The following HMBOX1 variants were observed in gnomAD, a reference collection of about 807,000 sequenced individuals.
HMBOX1 encodes homeobox containing 1.
In HMBOX1, 14 loss-of-function variants were observed where a neutral mutation model predicts 54.5. That is an observed-to-expected ratio of 0.26 (90% CI 0.17 to 0.40). The LOEUF (loss-of-function observed/expected upper bound fraction) is 0.40, where lower values mean the gene tolerates loss of function less well. Among genes scored for constraint, HMBOX1 ranks in the 10% least tolerant of loss-of-function variants. The pLI is 1.00. For missense variants in HMBOX1, 332 were observed against 514.4 expected, an observed-to-expected ratio of 0.65 and a Z score of 3.43; for synonymous variants, 160 against 181.0, an observed-to-expected ratio of 0.88 and a Z score of 0.93.
intron 1 of HMBOX1, among the ~76,000 whole-genome samples, chr8:28,935,941 A>G (rs962067802): frequency 1.4e-4 from 22 of 151,998 alleles, no homozygotes; most frequent in African/African-American, 5.3e-4. Flanking sequence ...CTTTTTTTGT[A>G]AAATGGTAAT....
intron 5 of HMBOX1, among the ~76,000 whole-genome samples, chr8:29,017,668 G>T (rs1835229690): frequency 6.6e-6 from 1 of 152,162 alleles, no homozygotes; most frequent in Admixed American, 6.5e-5. Flanking sequence ...GGGAAAGACT[G>T]CAGGACAATA....
At chr8:28,954,832 A>AC (rs1824120277) in intron 1 of HMBOX1, among the ~76,000 whole-genome samples, 1 of 152,148 alleles carries the variant, frequency 6.6e-6, no homozygotes, top group South Asian at 2.1e-4. Flanking sequence ...GGGGTGGGAG[A>AC]CCAGCTTACC....
intron 1 of HMBOX1, among the ~76,000 whole-genome samples, chr8:28,900,273 T>TAC (rs1812998485): frequency 9.2e-6 from 1 of 108,886 alleles, no homozygotes. Flanking sequence ...AAAAAAAAAA[T>TAC]ATATATATAT....
chr8:29,015,814 A>G (rs976890712), intron 5 of HMBOX1, among the ~76,000 whole-genome samples: 6 of 152,350 alleles, frequency 3.9e-5, no homozygotes, highest in Middle Eastern at 3.4e-3. Flanking sequence ...TATGATCTCT[A>G]TCATAGCTAC....
chr8:28,979,154 G>C (rs1242791951), intron 3 of HMBOX1, among the ~76,000 whole-genome samples: 1 of 152,176 alleles, frequency 6.6e-6, no homozygotes, highest in Non-Finnish European at 1.5e-5. Context: ...TTTTGAGCTT[G>C]AACAGAAACC....
chr8:29,041,448 T>A (rs1804805314), intron 6 of HMBOX1, among the ~76,000 whole-genome samples: 1 of 152,164 alleles, frequency 6.6e-6, no homozygotes, highest in Admixed American at 6.5e-5. Context: ...TCGTCAACAC[T>A]ATCATTAGTG....
chr8:28,893,950 G>A (rs1018092009), intron 1 of HMBOX1, among the ~76,000 whole-genome samples: 3 of 152,060 alleles, frequency 2.0e-5, no homozygotes. Context: ...TATTTCTCTT[G>A]GGAATCAGGT....
intron 3 of HMBOX1, among the ~76,000 whole-genome samples, chr8:28,973,258 C>G (rs975580946): frequency 6.6e-6 from 1 of 152,182 alleles, no homozygotes; most frequent in African/African-American, 2.4e-5. Context: ...AAATTAAATA[C>G]TTTGCCCAAG....
chr8:29,008,375 G>T (rs1245957779), intron 4 of HMBOX1, among the ~76,000 whole-genome samples: 1 of 152,148 alleles, frequency 6.6e-6, no homozygotes, highest in Non-Finnish European at 1.5e-5. Flanking sequence ...CTTGGAGATA[G>T]CAGAAAACTA....
intron 4 of HMBOX1, among the ~76,000 whole-genome samples, chr8:28,987,992 A>C (rs1409902950): frequency 2.0e-5 from 3 of 152,194 alleles, no homozygotes; most frequent in Non-Finnish European, 4.4e-5. Context: ...AGTTGTACCA[A>C]ACTTATACAG....
At chr8:28,922,098 A>G (rs1311138100) in intron 1 of HMBOX1, among the ~76,000 whole-genome samples, 3 of 152,212 alleles carry the variant, frequency 2.0e-5, no homozygotes, top group African/African-American at 7.2e-5. Context: ...CCATGGATTT[A>G]TGCAGCTATG....
intron 6 of HMBOX1, among the ~76,000 whole-genome samples, chr8:29,035,951 GA>G (rs1803786568): frequency 6.6e-6 from 1 of 152,092 alleles, no homozygotes; most frequent in African/African-American, 2.4e-5. Flanking sequence ...ACATTAAAAG[GA>G]AAACCAATTG....
intron 3 of HMBOX1, among the ~76,000 whole-genome samples, chr8:28,973,572 T>C (rs1827806097): frequency 6.6e-6 from 1 of 152,124 alleles, no homozygotes; most frequent in Non-Finnish European, 1.5e-5. Context: ...AGGAATATAC[T>C]GCCCTTGCTG....
chr8:28,984,600 G>A (rs898513590), intron 4 of HMBOX1, among the ~76,000 whole-genome samples: 1 of 152,122 alleles, frequency 6.6e-6, no homozygotes, highest in African/African-American at 2.4e-5. Context: ...TTTCACAGTC[G>A]CAGCTGTTCC....
chr8:28,909,126 G>T (rs1187147356), intron 1 of HMBOX1, among the ~76,000 whole-genome samples: 1 of 151,052 alleles, frequency 6.6e-6, no homozygotes, highest in East Asian at 1.9e-4. Context: ...ACTGTTGATT[G>T]TACCACCAGG....
chr8:29,013,375 C>G (rs540145756), intron 5 of HMBOX1, among the ~76,000 whole-genome samples: 4 of 152,288 alleles, frequency 2.6e-5, no homozygotes, highest in African/African-American at 9.6e-5. Context: ...ACCTCGTGAT[C>G]CACCCACCTC....
At chr8:29,042,643 A>G in intron 6 of HMBOX1, 1 of 456,228 alleles carries the variant, frequency 2.2e-6, no homozygotes, top group Non-Finnish European at 4.4e-6. Context: ...GTCCAGGAAC[A>G]CTTGGTCCCC....
chr8:28,908,473 GGCC>G (rs1365198371), intron 1 of HMBOX1, among the ~76,000 whole-genome samples: 11 of 152,124 alleles, frequency 7.2e-5, no homozygotes, highest in African/African-American at 2.7e-4. Flanking sequence ...ATGGGTTATG[GGCC>G]AGGTGTGGTG....
intron 1 of HMBOX1, among the ~76,000 whole-genome samples, chr8:28,916,727 CA>C (rs1304550838): frequency 2.6e-5 from 4 of 151,990 alleles, no homozygotes; most frequent in African/African-American, 4.8e-5. Flanking sequence ...GTAAGTCTTA[CA>C]ATCAGTTAAT....
Sources: gnomAD v4.1 joint callset for allele counts (sites outside exome capture counted in the v4.1 genomes callset) on GRCh38, gnomAD v4.1.1 for gene constraint, MANE v1.5 for transcripts, NCBI Gene and HGNC (gene_info 2026-07-23, HGNC 2026-07-21) for gene names.